NEIL3: variants seen among roughly 807,000 people sequenced by gnomAD.
The protein encoded by NEIL3 is nei like DNA glycosylase 3, also known as endonuclease 8-like 3.
Under a neutral mutation model 57.5 loss-of-function variants are expected in NEIL3, and 48 were observed. That is an observed-to-expected ratio of 0.83 (90% CI 0.66 to 1.06). The LOEUF (loss-of-function observed/expected upper bound fraction) is 1.06. NEIL3 is among the 50% of genes least tolerant of loss of function. The pLI is 0.00. For synonymous variants in NEIL3, 261 were observed against 253.2 expected (o/e 1.03, Z -0.29); for missense variants, 717 against 739.1 (o/e 0.97, Z 0.35).
chr4:177,352,763 G>T (rs1735385112), intron 7 of NEIL3, among the ~76,000 whole-genome samples: 1 of 151,834 alleles, frequency 6.6e-6, no homozygotes, highest in African/African-American at 2.4e-5. Context: ...CCGGGAGGCG[G>T]AGGTTGCAGT....
Position 177,353,706 on chromosome 4 carries a change from T to G in NEIL3, c.1438T>G (p.Cys480Gly). ...ATACTCATCACCAGAGCTTAAAAGC[T>G]GCAACCCTGGATATTCTAACAGGTA... ...AQYSSPELKS[C>G]NPGYSNSELQ... The change falls in exon 8 of 10, where the codon TGC becomes GGC. Residue 480 changes from cysteine to glycine, a missense_variant. Cys to Gly is a radical substitution (Grantham distance 159). Transcript: ENST00000264596. The G allele has an allele frequency of 6.2e-7, 1 of 1,612,660 alleles. No individual in the cohort carries two copies. Among genetic ancestry groups the G allele is most frequent in the Non-Finnish European group, 8.5e-7 (1 of 1,179,642 alleles).
chr4:177,328,226 C>T (rs905704532), intron 2 of NEIL3, among the ~76,000 whole-genome samples: 5 of 152,150 alleles, frequency 3.3e-5, no homozygotes, highest in Non-Finnish European at 7.4e-5. Flanking sequence ...ATTAACAAAG[C>T]TATGGAACAA....
At chr4:177,321,914 G>T (rs1560908994) in intron 1 of NEIL3, among the ~76,000 whole-genome samples, 1 of 152,134 alleles carries the variant, frequency 6.6e-6, no homozygotes, top group Admixed American at 6.5e-5. Flanking sequence ...ATAGATGCTG[G>T]CTTCACAGCT....
At chr4:177,343,352 G>C (rs1437167072) in intron 6 of NEIL3, 1 of 152,224 alleles carries the variant, frequency 6.6e-6, no homozygotes, top group Non-Finnish European at 1.5e-5. Context: ...AATGAGAAAG[G>C]AAATGAGCCA....
chr4:177,317,704 C>G (rs138133012), intron 1 of NEIL3, among the ~76,000 whole-genome samples: 1 of 143,594 alleles, frequency 7.0e-6, no homozygotes, highest in Non-Finnish European at 1.5e-5. Flanking sequence ...TGGGTTCAAG[C>G]GATTCTCCTG....
At chr4:177,369,719 C>T in the NEIL3 span, among the ~76,000 whole-genome samples, 1 of 152,128 alleles carries the variant, frequency 6.6e-6, no homozygotes, top group Non-Finnish European at 1.5e-5. Flanking sequence ...CTGACTGTGA[C>T]CTTGACCATA....
chr4:177,364,593 A>G (rs1178961152), downstream of NEIL3, among the ~76,000 whole-genome samples: 1 of 152,138 alleles, frequency 6.6e-6, no homozygotes, highest in East Asian at 1.9e-4. Context: ...CCACTGAACC[A>G]TATATGCATG....
chr4:177,345,679 CTTTTTTTTTTT>C (rs55741585), intron 6 of NEIL3, among the ~76,000 whole-genome samples: 4 of 78,070 alleles, frequency 5.1e-5, no homozygotes, highest in East Asian at 3.3e-4. Flanking sequence ...CCACGCCTGG[CTTTTTTTTTTT>C]TTTTTTTTTT....
chr4:177,335,502 T>G (rs1448583547), intron 2 of NEIL3, among the ~76,000 whole-genome samples, 186 bp from the exon 3 acceptor site: 1 of 152,176 alleles, frequency 6.6e-6, no homozygotes, highest in Non-Finnish European at 1.5e-5. Flanking sequence ...CTTCTATCTT[T>G]ATAAGGATAC....
At chr4:177,329,303 G>T (rs1734838555) in intron 2 of NEIL3, among the ~76,000 whole-genome samples, 1 of 151,936 alleles carries the variant, frequency 6.6e-6, no homozygotes, top group South Asian at 2.1e-4. Context: ...CAATTATTTG[G>T]CAGAAATTAA....
At chr4:177,342,693 TA>T (rs562455777) in intron 6 of NEIL3, among the ~76,000 whole-genome samples, 1 of 152,178 alleles carries the variant, frequency 6.6e-6, no homozygotes, top group African/African-American at 2.4e-5. Context: ...AAATTTACCT[TA>T]AAAAATAGAA....
chr4:177,345,447 C>G (rs759024374), intron 6 of NEIL3, among the ~76,000 whole-genome samples: 6 of 141,266 alleles, frequency 4.2e-5, no homozygotes, highest in Non-Finnish European at 9.1e-5. Context: ...GAATTTAGTG[C>G]TGTCTGCAAA....
chr4:177,358,455 C>T (rs1250411773), intron 8 of NEIL3, among the ~76,000 whole-genome samples: 1 of 151,890 alleles, frequency 6.6e-6, no homozygotes, highest in Non-Finnish European at 1.5e-5. Context: ...TTAGAGGCAC[C>T]CGCCACCACG....
intron 1 of NEIL3, among the ~76,000 whole-genome samples, chr4:177,311,103 T>C (rs1734467781): frequency 6.6e-6 from 1 of 152,134 alleles, no homozygotes; most frequent in Non-Finnish European, 1.5e-5. Context: ...TCTAAAATCG[T>C]TTCAGGGTAC....
At chr4:177,324,366 G>T (rs1464641692) in intron 2 of NEIL3, among the ~76,000 whole-genome samples, 1 of 152,126 alleles carries the variant, frequency 6.6e-6, no homozygotes, top group Non-Finnish European at 1.5e-5. Flanking sequence ...TAAAGTGTGT[G>T]CATCTCATAG....
intron 6 of NEIL3, among the ~76,000 whole-genome samples, chr4:177,346,639 G>A (rs556336385): frequency 2.4e-4 from 36 of 152,100 alleles, no homozygotes; most frequent in Non-Finnish European, 4.9e-4. Context: ...TCCCAGTGAT[G>A]GCGAATACTA....
chr4:177,368,016 A>G, the NEIL3 span, among the ~76,000 whole-genome samples: 1 of 152,234 alleles, frequency 6.6e-6, no homozygotes, highest in Non-Finnish European at 1.5e-5. Flanking sequence ...CATGGTTTGA[A>G]TGAACTTTGT....
At chr4:177,316,459 A>T (rs572538938) in intron 1 of NEIL3, among the ~76,000 whole-genome samples, 227 of 152,252 alleles carry the variant, frequency 1.5e-3, no homozygotes, top group Non-Finnish European at 2.9e-3. Context: ...TGGTCCTCCT[A>T]TGTTTAAATC....
At chr4:177,313,951 T>A (rs181738123) in intron 1 of NEIL3, among the ~76,000 whole-genome samples, 57 of 152,324 alleles carry the variant, frequency 3.7e-4, no homozygotes, top group Admixed American at 1.4e-3. Context: ...TGGAAATTCC[T>A]ACTACCAGAA....
Sources: gnomAD v4.1 joint callset for allele counts (sites outside exome capture counted in the v4.1 genomes callset) on GRCh38, gnomAD v4.1.1 for gene constraint, MANE v1.5 for transcripts, NCBI Gene and HGNC (gene_info 2026-07-23, HGNC 2026-07-21) for gene names.